RLBP1: variants seen among roughly 807,000 people sequenced by gnomAD.
The protein encoded by RLBP1 is retinaldehyde-binding protein 1.
RLBP1 carries 26 observed loss-of-function variants against 36.2 expected under a neutral mutation model. That is an observed-to-expected ratio of 0.72 (90% confidence interval 0.53 to 1.00). The LOEUF is 1.00. Ranked by LOEUF, RLBP1 falls within the 50% of genes least tolerant of loss-of-function variation. RLBP1 has a pLI of 0.00. For synonymous variants in RLBP1, 155 were observed against 156.2 expected, an observed-to-expected ratio of 0.99 and a Z score of 0.06; for missense variants, 410 against 402.4, an observed-to-expected ratio of 1.02 and a Z score of -0.16.
chr15:89,212,677 A>T (rs1015964561), intron 6 of RLBP1, among the ~76,000 whole-genome samples: 9 of 150,674 alleles, frequency 6.0e-5, no homozygotes, highest in African/African-American at 2.0e-4. Context: ...GATTGGAAGG[A>T]TGTCAATAGT....
At position 89,218,101 on chromosome 15, in the gene RLBP1, A is replaced by C. The variant is rs1191223636; in HGVS notation, c.141+464T>G. Reference sequence around the variant, plus strand: ...AGCTCTGTCAGCCTCCACAGAGCACAATCTGATCACCTCTGAGCTAGTCCA... The same window carrying C: ...AGCTCTGTCAGCCTCCACAGAGCACCATCTGATCACCTCTGAGCTAGTCCA... On this transcript the variant is annotated intron_variant, in intron 4 of 8. Transcript: ENST00000268125. This position sits in a 1 kb window ranked among gnomAD's most constrained non-coding sequence, Gnocchi z 4.6. Among the ~76,000 whole-genome samples the C allele has an allele frequency of 6.6e-6, 1 of 152,198 alleles. No individual in the cohort carries two copies. Among genetic ancestry groups the C allele is most frequent in the East Asian group, 1.9e-4 (1 of 5,188 alleles).
intron 6 of RLBP1, among the ~76,000 whole-genome samples, chr15:89,213,736 A>G (rs1000118159): frequency 3.9e-5 from 6 of 152,218 alleles, no homozygotes; most frequent in African/African-American, 1.4e-4. Flanking sequence ...GGCATCTCAC[A>G]TTTGTGGATA....
intron 5 of RLBP1, 78 bp from the exon 6 acceptor site, chr15:89,215,316 A>T: frequency 4.1e-6 from 6 of 1,457,720 alleles, no homozygotes; most frequent in Non-Finnish European, 5.7e-6. Flanking sequence ...GGACTCAGAG[A>T]CCTGACCTCC....
In RLBP1 at chr15:89,211,848, A is replaced by G; in HGVS notation, c.579T>C (p.Thr193=). The G allele has an allele frequency of 1.2e-6, 2 of 1,614,212 alleles. No homozygotes were observed. Among genetic ancestry groups the G allele is most frequent in the Non-Finnish European group, 1.7e-6 (2 of 1,180,024 alleles). Residue 193 remains threonine, a synonymous_variant, in exon 7 of 9, where the codon ACT becomes ACC. Transcript: ENST00000268125. The surrounding 1 kb of genome is among the most constrained non-coding windows in gnomAD (Gnocchi z 5.8). The part of the protein sequence containing the change: ...ILEKLLENEE[T]QINGFCIIEN... Reference sequence around the variant, plus strand: ...CAATGATGCAGAAGCCATTGATTTGAGTTTCCTCATTCTCCAGCAGCTTCT... The same window carrying G: ...CAATGATGCAGAAGCCATTGATTTGGGTTTCCTCATTCTCCAGCAGCTTCT...
Position 89,218,833 on chromosome 15 carries a change from A to G in RLBP1, c.12+131T>C. ...CCTTTTGTGGGGTCAGGACCCACACAGGGGTTATAGAAGTGTGTGCCTATA... is the reference window on the plus strand; with the variant it reads ...CCTTTTGTGGGGTCAGGACCCACACGGGGGTTATAGAAGTGTGTGCCTATA... On this transcript the variant is annotated intron_variant, in intron 3 of 8. Transcript: ENST00000268125. The surrounding 1 kb of genome is among the most constrained non-coding windows in gnomAD (Gnocchi z 4.6). 6.6e-7 allele frequency: 1 copy of G among 1,514,236 alleles called. No homozygotes were observed. The highest frequency in any genetic ancestry group is 9.1e-7 in the Non-Finnish European group (1 of 1,100,640). 93.8% of individuals were successfully genotyped at this position (1,514,236 alleles called of 1,614,324 possible).
chr15:89,211,436 C>G lies in RLBP1; in HGVS notation c.684+307G>C, dbSNP rs552399511. 6.6e-6 allele frequency among the ~76,000 whole-genome samples: 1 copy of G among 152,170 alleles called. No individual in the cohort carries two copies. Among genetic ancestry groups the G allele is most frequent in the African/African-American group, 2.4e-5 (1 of 41,420 alleles). ...ATGCAGGTTCAAGTCTGGCCTCTGCCGCTTTATTGCTGTGTGACCTCGAGA... is the reference window on the plus strand; with the variant it reads ...ATGCAGGTTCAAGTCTGGCCTCTGCGGCTTTATTGCTGTGTGACCTCGAGA... On this transcript the variant is annotated intron_variant, in intron 7 of 8. Coordinates refer to ENST00000268125, the MANE Select transcript of RLBP1 (RefSeq NM_000326.5). This position sits in a 1 kb window ranked among gnomAD's most constrained non-coding sequence, Gnocchi z 5.8.
Position 89,210,952 on chromosome 15 carries a change from T to A in RLBP1, c.685-143A>T. On this transcript the variant is annotated intron_variant, in intron 7 of 8. Coordinates refer to ENST00000268125, the MANE Select transcript of RLBP1 (RefSeq NM_000326.5). This position sits in a 1 kb window ranked among gnomAD's most constrained non-coding sequence, Gnocchi z 4.7. ...GCCCTGGAGAAGGGCCCACTGAAGGTCCTATTTCCAGGCCAGCAACTAGGG... is the reference window on the plus strand; with the variant it reads ...GCCCTGGAGAAGGGCCCACTGAAGGACCTATTTCCAGGCCAGCAACTAGGG... 1.6e-6 allele frequency: 1 copy of A among 622,518 alleles called. No homozygotes were observed. The highest frequency in any genetic ancestry group is 3.0e-6 in the Non-Finnish European group (1 of 337,862). 38.6% of individuals were successfully genotyped at this position (622,518 alleles called of 1,614,324 possible).
intron 6 of RLBP1, among the ~76,000 whole-genome samples, chr15:89,212,228 CTAA>C (rs1284115777): frequency 2.0e-5 from 3 of 152,188 alleles, no homozygotes; most frequent in Non-Finnish European, 4.4e-5. Flanking sequence ...ATACAGAAGA[CTAA>C]TAATACAGGA....
rs1176624906 is a variant in RLBP1, at chr15:89,210,966, C to T, written c.685-157G>A. ...CCCACTGAAGGTCCTATTTCCAGGC[C>T]AGCAACTAGGGATCCCTGGCTCACT... On this transcript the variant is annotated intron_variant, in intron 7 of 8. Coordinates refer to ENST00000268125, the MANE Select transcript of RLBP1 (RefSeq NM_000326.5). The surrounding 1 kb of genome is among the most constrained non-coding windows in gnomAD (Gnocchi z 4.7). 6.6e-6 allele frequency among the ~76,000 whole-genome samples: 1 copy of T among 152,170 alleles called. No homozygotes were observed. The highest frequency in any genetic ancestry group is 6.5e-5 in the Admixed American group (1 of 15,274).
At position 89,221,229 on chromosome 15, in the gene RLBP1, G is replaced by A. The variant is rs567388776; in HGVS notation, c.-224+306C>T. ...TCACCATGTTGGCCAGGCTGGTCTC[G>A]AACTCCTGACCTCAGGTGATCTGCC... On this transcript the variant is annotated intron_variant, in intron 1 of 8. Transcript: ENST00000268125. 2.2e-4 allele frequency among the ~76,000 whole-genome samples: 33 copies of A among 152,192 alleles called. 1 individual carries two copies. Among genetic ancestry groups the A allele is most frequent in the South Asian group, 6.2e-4 (3 of 4,818 alleles).
At position 89,210,108 on chromosome 15, in the gene RLBP1, C is replaced by CTCCT; in HGVS notation, c.*173_*176dup. 3 of 677,936 alleles carry CTCCT rather than the reference C, an allele frequency of 4.4e-6. No homozygotes were observed. 42.0% of individuals were successfully genotyped at this position (677,936 alleles called of 1,614,324 possible). ...TTCTTCTTGTTCAAGGGAATTCCCC[C>CTCCT]TCCTTTATTACCCATCCCCCAACTT... On this transcript the variant is annotated 3_prime_UTR_variant, in exon 9 of 9. Coordinates refer to ENST00000268125, the MANE Select transcript of RLBP1 (RefSeq NM_000326.5). The surrounding 1 kb of genome is among the most constrained non-coding windows in gnomAD (Gnocchi z 4.7).
chr15:89,212,401 G>A (rs996435953), intron 6 of RLBP1, among the ~76,000 whole-genome samples: 2 of 151,986 alleles, frequency 1.3e-5, no homozygotes, highest in African/African-American at 2.4e-5. Flanking sequence ...GGCCAACATG[G>A]TGAAACCCCA....
chr15:89,211,814 T>C lies in RLBP1; in HGVS notation c.613A>G (p.Lys205Glu), dbSNP rs762889686. 2 of 1,614,176 alleles carry C rather than the reference T, an allele frequency of 1.2e-6. No homozygotes were observed. The highest frequency in any genetic ancestry group is 1.7e-6 in the Non-Finnish European group (2 of 1,180,010). ...INGFCIIENF[K>E]GFTMQQAASL... ...GCAGCCTGCTGCATGGTAAAGCCCTTGAAGTTCTCAATGATGCAGAAGCCA... is the reference window on the plus strand; with the variant it reads ...GCAGCCTGCTGCATGGTAAAGCCCTCGAAGTTCTCAATGATGCAGAAGCCA... The change falls in exon 7 of 9, where the codon AAG (lysine) becomes GAG (glutamate). Residue 205 changes from lysine to glutamate, a missense_variant. Coordinates refer to ENST00000268125, the MANE Select transcript of RLBP1 (RefSeq NM_000326.5). The surrounding 1 kb of genome is among the most constrained non-coding windows in gnomAD (Gnocchi z 5.8).
rs996267254 is a variant in RLBP1, at chr15:89,218,196, C to A, written c.141+369G>T. Reference sequence around the variant, plus strand: ...AAGCAATCTGCCTAAGGTCACACAGCAAGCTGAAAGTAGGTCTGGTTCTGG... The same window carrying A: ...AAGCAATCTGCCTAAGGTCACACAGAAAGCTGAAAGTAGGTCTGGTTCTGG... On this transcript the variant is annotated intron_variant, in intron 4 of 8. Coordinates refer to ENST00000268125, the MANE Select transcript of RLBP1 (RefSeq NM_000326.5). This position sits in a 1 kb window ranked among gnomAD's most constrained non-coding sequence, Gnocchi z 4.6. 3.9e-5 allele frequency among the ~76,000 whole-genome samples: 6 copies of A among 152,212 alleles called. No individual in the cohort carries two copies. The highest frequency in any genetic ancestry group is 1.4e-4 in the African/African-American group (6 of 41,458).
chr15:89,218,448 GT>G lies in RLBP1; in HGVS notation c.141+116del. 6.8e-7 allele frequency: 1 copy of G among 1,469,816 alleles called. No individual in the cohort carries two copies. Among genetic ancestry groups the G allele is most frequent in the Non-Finnish European group, 9.4e-7 (1 of 1,059,838 alleles). 91.0% of individuals were successfully genotyped at this position (1,469,816 alleles called of 1,614,324 possible). ...ACCTTAGAACCGGCCAGTCTATCAGGTCCAGGATGATCTGGAGTGCCGAGGC... is the reference window on the plus strand; with the variant it reads ...ACCTTAGAACCGGCCAGTCTATCAGGCCAGGATGATCTGGAGTGCCGAGGC... On this transcript the variant is annotated intron_variant, in intron 4 of 8. Transcript: ENST00000268125. This position sits in a 1 kb window ranked among gnomAD's most constrained non-coding sequence, Gnocchi z 4.6.
rs749162238 is a variant in RLBP1 at position 89,210,398 on chromosome 15, C to T, written c.841G>A (p.Asp281Asn). 15 of 1,614,092 alleles carry T rather than the reference C, an allele frequency of 9.3e-6. No homozygotes were observed. Among genetic ancestry groups the T allele is most frequent in the East Asian group, 6.7e-5 (3 of 44,890 alleles). ...AAGTCAGAGGGCAGGATGTTCTCAT[C>T]GATCTCCTGGTAGAAACCAGAAAGG... ...DDLSGFYQEI[D>N]ENILPSDFGG... The change falls in exon 9 of 9, where the codon GAT (aspartate) becomes AAT (asparagine). Residue 281 changes from aspartate (D) to asparagine (N), a missense_variant. Asp to Asn is a conservative substitution (Grantham distance 23). Transcript: ENST00000268125. The surrounding 1 kb of genome is among the most constrained non-coding windows in gnomAD (Gnocchi z 4.7).
In RLBP1 at chr15:89,211,930, A is replaced by G. The variant is rs1361007158; in HGVS notation, c.526-29T>C. The stretch of plus-strand genomic sequence containing the variant: ...GGGCACAGAGAGAACAGGCTGTAAG[A>G]TCTAACCCGCAACAATAATTAAGGC... On this transcript the variant is annotated intron_variant, in intron 6 of 8. Coordinates refer to ENST00000268125, the MANE Select transcript of RLBP1 (RefSeq NM_000326.5). This position sits in a 1 kb window ranked among gnomAD's most constrained non-coding sequence, Gnocchi z 5.8. 6.2e-7 allele frequency: 1 copy of G among 1,613,288 alleles called. No individual in the cohort carries two copies. Among genetic ancestry groups the G allele is most frequent in the Admixed American group, 1.7e-5 (1 of 59,988 alleles).
In RLBP1 at chr15:89,211,290, A is replaced by G. The variant is rs1179674090; in HGVS notation, c.684+453T>C. Among the ~76,000 whole-genome samples the G allele has an allele frequency of 1.4e-4, 22 of 151,976 alleles. No homozygotes were observed. Among genetic ancestry groups the G allele is most frequent in the Admixed American group, 1.3e-3 (20 of 15,262 alleles). On this transcript the variant is annotated intron_variant, in intron 7 of 8. Coordinates refer to ENST00000268125, the MANE Select transcript of RLBP1 (RefSeq NM_000326.5). This position sits in a 1 kb window ranked among gnomAD's most constrained non-coding sequence, Gnocchi z 5.8. Reference sequence around the variant, plus strand: ...TCTAAGAAAGGACTCCTGACATGTCAGCACATATAGGAGTGAGTTATCAGA... The same window carrying G: ...TCTAAGAAAGGACTCCTGACATGTCGGCACATATAGGAGTGAGTTATCAGA...
chr15:89,218,278 GC>G lies in RLBP1; in HGVS notation c.141+286del, dbSNP rs2051598517. ...AGCAGTTGGATCCTTGTTCCCCGGG[GC>G]CATTTCCAAACCAATGCTTCTCATA... On this transcript the variant is annotated intron_variant, in intron 4 of 8. Coordinates refer to ENST00000268125, the MANE Select transcript of RLBP1 (RefSeq NM_000326.5). This position sits in a 1 kb window ranked among gnomAD's most constrained non-coding sequence, Gnocchi z 4.6. Among the ~76,000 whole-genome samples the G allele has an allele frequency of 6.6e-6, 1 of 152,206 alleles. No individual in the cohort carries two copies. The highest frequency in any genetic ancestry group is 1.5e-5 in the Non-Finnish European group (1 of 68,034).
Sources: gnomAD v4.1 joint callset for allele counts (sites outside exome capture counted in the v4.1 genomes callset) on GRCh38, gnomAD v4.1.1 for gene constraint, Gnocchi (gnomAD v3.1) non-coding constraint, MANE v1.5 for transcripts, NCBI Gene and HGNC (gene_info 2026-07-23, HGNC 2026-07-21) for gene names.